BNC2: variants seen among roughly 807,000 people sequenced by gnomAD.
BNC2 encodes the protein basonuclin zinc finger protein 2, also known as zinc finger protein basonuclin-2.
In BNC2, 20 loss-of-function variants were observed where a neutral mutation model predicts 76.3. The ratio of observed to expected loss-of-function variants is 0.26; its 90% CI spans 0.18 to 0.38. BNC2 has a LOEUF of 0.38. BNC2 is among the 10% of genes least tolerant of loss of function. BNC2 has a pLI of 1.00. For missense variants in BNC2, 1,382 were observed against 1,399.8 expected (o/e 0.99, Z 0.20); for synonymous variants, 582 against 514.8 (o/e 1.13, Z -1.77).
intron 5 of BNC2, among the ~76,000 whole-genome samples, chr9:16,499,530 C>CTTTT (rs763681726): frequency 3.1e-5 from 4 of 127,100 alleles, no homozygotes; most frequent in South Asian, 2.7e-4. Flanking sequence ...CTTTTTTTTT[C>CTTTT]TTTTTTTTTT....
intron 1 of BNC2, among the ~76,000 whole-genome samples, chr9:16,831,681 T>C (rs1198644197): frequency 2.6e-5 from 4 of 152,162 alleles, no homozygotes; most frequent in Non-Finnish European, 5.9e-5. Flanking sequence ...AAGATACCCA[T>C]ATGAACAGAT....
chr9:16,841,620 G>C (rs1488433693), intron 1 of BNC2, among the ~76,000 whole-genome samples: 1 of 151,844 alleles, frequency 6.6e-6, no homozygotes, highest in Non-Finnish European at 1.5e-5. Flanking sequence ...ACTGCACTGT[G>C]GTATTCACCA....
At chr9:16,612,551 T>C (rs1402444011) in intron 3 of BNC2, among the ~76,000 whole-genome samples, 1 of 152,226 alleles carries the variant, frequency 6.6e-6, no homozygotes, top group Non-Finnish European at 1.5e-5. Context: ...TTTATTCTTG[T>C]GGCCCCATCA....
In BNC2 at chr9:16,800,684, T is replaced by G. The variant is rs527906872; in HGVS notation, c.4-62199A>C. 2.5e-4 allele frequency among the ~76,000 whole-genome samples: 38 copies of G among 152,320 alleles called. 1 individual carries two copies. The highest frequency in any genetic ancestry group is 6.5e-4 in the African/African-American group (27 of 41,568). ...AAGATAATTTTTAAATAATTTTCAG[T>G]GCAAGAGATCTGGAATTTTACTCCC... On this transcript the variant is annotated intron_variant, in intron 1 of 6. Coordinates refer to ENST00000380672, the MANE Select transcript of BNC2 (RefSeq NM_017637.6).
intron 5 of BNC2, among the ~76,000 whole-genome samples, chr9:16,464,771 T>C (rs1821668341): frequency 6.6e-6 from 1 of 152,182 alleles, no homozygotes; most frequent in Non-Finnish European, 1.5e-5. Flanking sequence ...TATGATGTGA[T>C]GCAATGGTTT....
chr9:16,662,938 A>G (rs1295997943), intron 3 of BNC2, among the ~76,000 whole-genome samples: 1 of 152,176 alleles, frequency 6.6e-6, no homozygotes, highest in Non-Finnish European at 1.5e-5. Context: ...TGCCTTAAAC[A>G]GTAGTAGCAA....
intron 2 of BNC2, among the ~76,000 whole-genome samples, chr9:16,737,254 T>G (rs1176045706): frequency 5.7e-5 from 8 of 140,226 alleles, no homozygotes; most frequent in South Asian, 2.4e-4. Flanking sequence ...TTTTTTTTTT[T>G]TTTTTTTTCT....
At position 16,620,645 on chromosome 9, in the gene BNC2, G is replaced by T. The variant is rs563923952; in HGVS notation, c.331-37560C>A. ...CTTATGTAGAGCCACCATAAGAAAAGATTTGTAAAAGCCTATAAATACCAT... is the reference window on the plus strand; with the variant it reads ...CTTATGTAGAGCCACCATAAGAAAATATTTGTAAAAGCCTATAAATACCAT... On this transcript the variant is annotated intron_variant, in intron 3 of 6. Coordinates refer to ENST00000380672, the MANE Select transcript of BNC2 (RefSeq NM_017637.6). Among the ~76,000 whole-genome samples, 3 of 152,204 alleles carry T rather than the reference G, an allele frequency of 2.0e-5. No individual in the cohort carries two copies. In the South Asian group the frequency reaches 6.2e-4, roughly 32 times the overall value.
chr9:16,660,970 T>C (rs1822094643), intron 3 of BNC2, among the ~76,000 whole-genome samples: 1 of 152,210 alleles, frequency 6.6e-6, no homozygotes, highest in Non-Finnish European at 1.5e-5. Flanking sequence ...AGGGAGGTCC[T>C]GGAACCAATT....
At chr9:16,794,152 T>A (rs569472362) in intron 1 of BNC2, among the ~76,000 whole-genome samples, 54 of 152,232 alleles carry the variant, frequency 3.5e-4, no homozygotes, top group African/African-American at 1.2e-3. Context: ...GGTATTGTCC[T>A]CAGGCTGGCC....
intron 3 of BNC2, among the ~76,000 whole-genome samples, chr9:16,609,871 C>T (rs1054408148): frequency 5.9e-5 from 9 of 152,096 alleles, no homozygotes; most frequent in African/African-American, 1.9e-4. Flanking sequence ...TCTCAGGACT[C>T]CTGTCTCTTA....
At chr9:16,679,963 G>C (rs1271839112) in intron 3 of BNC2, among the ~76,000 whole-genome samples, 6 of 152,164 alleles carry the variant, frequency 3.9e-5, no homozygotes, top group Non-Finnish European at 5.9e-5. Flanking sequence ...TTTCCACAGG[G>C]ATCTGTTTGG....
chr9:16,754,614 G>A (rs1825324293), intron 1 of BNC2, among the ~76,000 whole-genome samples: 1 of 151,858 alleles, frequency 6.6e-6, no homozygotes, highest in Non-Finnish European at 1.5e-5. Flanking sequence ...CTGTAGTGCA[G>A]TGGCACAATC....
At chr9:16,504,330 T>G (rs886560894) in intron 5 of BNC2, among the ~76,000 whole-genome samples, 1 of 126,912 alleles carries the variant, frequency 7.9e-6, no homozygotes, top group African/African-American at 3.8e-5. Flanking sequence ...AATGAATACA[T>G]GTATTAATAC....
At chr9:16,421,179 A>C in intron 6 of BNC2, 1 of 922,328 alleles carries the variant, frequency 1.1e-6, no homozygotes, top group Non-Finnish European at 1.4e-6. Context: ...ACCTTTCCAC[A>C]CAAGACAATA....
intron 5 of BNC2, among the ~76,000 whole-genome samples, chr9:16,513,896 T>C (rs1563818747): frequency 6.6e-6 from 1 of 152,278 alleles, no homozygotes; most frequent in African/African-American, 2.4e-5. Context: ...TTCAAAACAT[T>C]AGGCTGTTAT....
At chr9:16,435,424 T>G in intron 6 of BNC2, 131 bp downstream of exon 6, 1 of 1,122,578 alleles carries the variant, frequency 8.9e-7, no homozygotes. Context: ...AGTTATCACA[T>G]GATCACTGTG....
chr9:16,588,670 T>C (rs1273227978), intron 3 of BNC2, among the ~76,000 whole-genome samples: 2 of 152,232 alleles, frequency 1.3e-5, no homozygotes, highest in African/African-American at 4.8e-5. Flanking sequence ...CAGTAACACT[T>C]TTATATCTGA....
chr9:16,727,206 C>CGGAGCGGA (rs1824362677), intron 3 of BNC2: 1 of 152,876 alleles, frequency 6.5e-6, no homozygotes, highest in Admixed American at 6.5e-5. Flanking sequence ...CAAGGAGGAG[C>CGGAGCGGA]GGAGCGGAGG....
Sources: gnomAD v4.1 joint callset for allele counts (sites outside exome capture counted in the v4.1 genomes callset) on GRCh38, gnomAD v4.1.1 for gene constraint, MANE v1.5 for transcripts, NCBI Gene and HGNC (gene_info 2026-07-23, HGNC 2026-07-21) for gene names.